CFAP299: variants seen among roughly 807,000 people sequenced by gnomAD.
CFAP299 encodes cilia- and flagella-associated protein 299.
CFAP299 carries 21 observed loss-of-function variants against 27.0 expected under a neutral mutation model. The observed-to-expected ratio is 0.78, with a 90% CI of 0.55 to 1.12. The LOEUF (loss-of-function observed/expected upper bound fraction) is 1.12, where lower values mean the gene tolerates loss of function less well. CFAP299 is among the 50% of genes most tolerant of loss of function. The pLI is 0.00. For missense variants in CFAP299, 310 were observed against 276.6 expected (o/e 1.12, Z -0.86); for synonymous variants, 104 against 98.1 (o/e 1.06, Z -0.36).
intron 3 of CFAP299, among the ~76,000 whole-genome samples, chr4:80,844,848 GT>G (rs1214684361): frequency 6.6e-6 from 1 of 152,160 alleles, no homozygotes; most frequent in Admixed American, 6.5e-5. Context: ...GTCCTGAATG[GT>G]TTTGCCTAGG....
At chr4:80,510,233 A>T (rs1732229816) in intron 2 of CFAP299, among the ~76,000 whole-genome samples, 1 of 152,268 alleles carries the variant, frequency 6.6e-6, no homozygotes, top group South Asian at 2.1e-4. Flanking sequence ...TTGCACTACA[A>T]GTTAATTGTC....
intron 3 of CFAP299, among the ~76,000 whole-genome samples, chr4:80,621,276 A>G (rs1422069273): frequency 6.6e-6 from 1 of 152,116 alleles, no homozygotes; most frequent in Non-Finnish European, 1.5e-5. Context: ...GAACATGTCA[A>G]GTAGTTCTAT....
chr4:80,536,684 C>T (rs1291687910), intron 2 of CFAP299, among the ~76,000 whole-genome samples: 4 of 152,056 alleles, frequency 2.6e-5, no homozygotes, highest in Non-Finnish European at 4.4e-5. Flanking sequence ...AATGGACTGT[C>T]ATCTCACATC....
chr4:80,604,476 A>G (rs766395453), intron 3 of CFAP299, among the ~76,000 whole-genome samples: 5 of 152,194 alleles, frequency 3.3e-5, no homozygotes, highest in Non-Finnish European at 7.3e-5. Context: ...TGATGTCTTG[A>G]CACAAGCTGA....
chr4:80,449,355 ATTAG>A (rs1471718340), intron 2 of CFAP299, among the ~76,000 whole-genome samples: 4 of 152,108 alleles, frequency 2.6e-5, no homozygotes, highest in East Asian at 1.9e-4. Context: ...TTAATCACTT[ATTAG>A]TTATTTATAA....
intron 2 of CFAP299, among the ~76,000 whole-genome samples, chr4:80,432,252 A>G (rs1398418085): frequency 6.6e-6 from 1 of 150,666 alleles, no homozygotes; most frequent in Non-Finnish European, 1.5e-5. Context: ...CCAGGGTTCA[A>G]GTGATTCTCC....
At chr4:80,425,290 C>G (rs1472649474) in intron 2 of CFAP299, among the ~76,000 whole-genome samples, 1 of 152,168 alleles carries the variant, frequency 6.6e-6, no homozygotes, top group Non-Finnish European at 1.5e-5. Context: ...CACTGTATAT[C>G]CAGTCCGATG....
intron 2 of CFAP299, among the ~76,000 whole-genome samples, chr4:80,511,189 A>C (rs1732281220): frequency 6.6e-6 from 1 of 152,138 alleles, no homozygotes; most frequent in African/African-American, 2.4e-5. Context: ...TAATTTCTTT[A>C]TGCCTCCCCT....
intron 3 of CFAP299, among the ~76,000 whole-genome samples, chr4:80,637,491 T>C (rs1393233379): frequency 6.6e-6 from 1 of 152,172 alleles, no homozygotes; most frequent in Non-Finnish European, 1.5e-5. Context: ...AACCTTTTTC[T>C]GTACAGGTAA....
chr4:80,860,047 C>T (rs1732217460), intron 3 of CFAP299, among the ~76,000 whole-genome samples: 1 of 152,198 alleles, frequency 6.6e-6, no homozygotes, highest in African/African-American at 2.4e-5. Flanking sequence ...TTCAGGTACA[C>T]CAATCAAACG....
At chr4:80,537,616 A>G (rs879324693) in intron 2 of CFAP299, among the ~76,000 whole-genome samples, 4 of 152,150 alleles carry the variant, frequency 2.6e-5, no homozygotes, top group African/African-American at 9.7e-5. Context: ...TCTCAGTCAT[A>G]TGTGGAATCT....
At chr4:80,429,952 GT>G (rs199893567) in intron 2 of CFAP299, among the ~76,000 whole-genome samples, 5 of 151,264 alleles carry the variant, frequency 3.3e-5, no homozygotes, top group Non-Finnish European at 7.4e-5. Context: ...TTATTTCCAA[GT>G]TTTTTTTTAT....
intron 3 of CFAP299, among the ~76,000 whole-genome samples, chr4:80,867,968 A>T (rs751928580): frequency 2.0e-5 from 3 of 152,122 alleles, no homozygotes; most frequent in Non-Finnish European, 4.4e-5. Context: ...TCCCACTATA[A>T]TTTAAAGGTC....
intron 3 of CFAP299, among the ~76,000 whole-genome samples, chr4:80,800,735 T>C (rs766589388): frequency 1.9e-4 from 16 of 86,252 alleles, no homozygotes; most frequent in Middle Eastern, 6.6e-3. Context: ...TATGTGTATA[T>C]ATATATAATC....
At chr4:80,842,944 A>G (rs1159558394) in intron 3 of CFAP299, among the ~76,000 whole-genome samples, 1 of 152,088 alleles carries the variant, frequency 6.6e-6, no homozygotes, top group Non-Finnish European at 1.5e-5. Context: ...TGAAACAAGA[A>G]CAAATAGAAT....
chr4:80,941,552 G>T (rs1402540707), intron 4 of CFAP299, among the ~76,000 whole-genome samples: 1 of 152,152 alleles, frequency 6.6e-6, no homozygotes, highest in Non-Finnish European at 1.5e-5. Context: ...TCAACTATTT[G>T]TCCTTACATT....
intron 3 of CFAP299, among the ~76,000 whole-genome samples, chr4:80,590,851 G>T (rs1193161927): frequency 4.6e-5 from 7 of 152,078 alleles, no homozygotes; most frequent in Non-Finnish European, 8.8e-5. Context: ...GGTTGGAAAA[G>T]AAAGGAGGGA....
intron 5 of CFAP299, among the ~76,000 whole-genome samples, chr4:80,948,099 A>G (rs2110233687): frequency 6.6e-6 from 1 of 152,256 alleles, no homozygotes; most frequent in South Asian, 2.1e-4. Flanking sequence ...TCTTTGAAAT[A>G]CTTTATGCTT....
intron 3 of CFAP299, among the ~76,000 whole-genome samples, chr4:80,639,290 T>C (rs535118230): frequency 3.9e-4 from 59 of 152,172 alleles, no homozygotes; most frequent in African/African-American, 1.4e-3. Flanking sequence ...AAAATACAAA[T>C]ACTCTAAGGA....
Sources: gnomAD v4.1 joint callset for allele counts (sites outside exome capture counted in the v4.1 genomes callset) on GRCh38, gnomAD v4.1.1 for gene constraint, MANE v1.5 for transcripts, NCBI Gene and HGNC (gene_info 2026-07-23, HGNC 2026-07-21) for gene names.